The following SLC24A2 variants were observed in gnomAD, a reference collection of about 807,000 sequenced individuals.
SLC24A2 encodes sodium/potassium/calcium exchanger 2.
A neutral mutation model predicts 62.0 loss-of-function variants in SLC24A2; 36 were observed. The observed-to-expected ratio is 0.58, with a 90% CI of 0.44 to 0.77. The LOEUF (loss-of-function observed/expected upper bound fraction) is 0.77, where lower values mean the gene tolerates loss of function less well. Ranked by LOEUF, SLC24A2 falls within the 30% of genes least tolerant of loss-of-function variation. SLC24A2 has a pLI of 0.00. For synonymous variants in SLC24A2, 358 were observed against 294.0 expected (o/e 1.22, Z -2.23); for missense variants, 846 against 817.9 (o/e 1.03, Z -0.42).
At chr9:19,942,768 G>T in the SLC24A2 span, among the ~76,000 whole-genome samples, 1 of 152,170 alleles carries the variant, frequency 6.6e-6, no homozygotes, top group Admixed American at 6.5e-5. Flanking sequence ...TACTCTAGAA[G>T]AATTTAGTGT....
At chr9:19,712,891 C>T (rs945764274) in intron 2 of SLC24A2, among the ~76,000 whole-genome samples, 1 of 152,126 alleles carries the variant, frequency 6.6e-6, no homozygotes, top group Non-Finnish European at 1.5e-5. Context: ...ATACTTACCC[C>T]AGTTGTGACA....
the SLC24A2 span, among the ~76,000 whole-genome samples, chr9:20,041,158 GCGCGTGCGCA>G: frequency 5.9e-5 from 9 of 151,862 alleles, no homozygotes; most frequent in Non-Finnish European, 1.2e-4. Flanking sequence ...GTACGCGTGC[GCGCGTGCGCA>G]CGTGTGCGCG....
At chr9:20,281,375 G>C in the SLC24A2 span, among the ~76,000 whole-genome samples, 6 of 152,130 alleles carry the variant, frequency 3.9e-5, no homozygotes, top group East Asian at 1.2e-3. Context: ...CATTAGGATA[G>C]AGCTTGATAC....
the SLC24A2 span, among the ~76,000 whole-genome samples, chr9:19,836,594 C>A: frequency 1.3e-5 from 2 of 152,114 alleles, no homozygotes; most frequent in African/African-American, 4.8e-5. Context: ...GAATAGCTTA[C>A]CAACCAAAAA....
the SLC24A2 span, among the ~76,000 whole-genome samples, chr9:19,987,717 T>A: frequency 1.3e-5 from 2 of 152,196 alleles, no homozygotes; most frequent in South Asian, 4.1e-4. Flanking sequence ...GAGGAAACTG[T>A]TAGCCTGATA....
At chr9:19,919,783 C>G in the SLC24A2 span, among the ~76,000 whole-genome samples, 1 of 152,026 alleles carries the variant, frequency 6.6e-6, no homozygotes, top group South Asian at 2.1e-4. Flanking sequence ...CAAAGGGGGG[C>G]GGAAAGCCCC....
chr9:20,004,871 T>C, the SLC24A2 span, among the ~76,000 whole-genome samples: 1 of 152,080 alleles, frequency 6.6e-6, no homozygotes. Flanking sequence ...AAAGAGGAGA[T>C]TTCTGAATGA....
At chr9:20,161,328 C>G in the SLC24A2 span, among the ~76,000 whole-genome samples, 2 of 151,294 alleles carry the variant, frequency 1.3e-5, no homozygotes, top group African/African-American at 4.8e-5. Flanking sequence ...AATCCCAAAG[C>G]TACATAAATT....
the SLC24A2 span, among the ~76,000 whole-genome samples, chr9:19,832,577 T>C: frequency 1.3e-5 from 2 of 152,170 alleles, no homozygotes; most frequent in East Asian, 1.9e-4. Context: ...TTACACCTTA[T>C]ACAAAAATTA....
the SLC24A2 span, among the ~76,000 whole-genome samples, chr9:20,078,731 C>A: frequency 5.3e-5 from 8 of 152,278 alleles, no homozygotes; most frequent in South Asian, 1.7e-3. Context: ...AGCCCCCTCT[C>A]CAGGTTGCCG....
chr9:19,549,008 C>T, intron 8 of SLC24A2, among the ~76,000 whole-genome samples: 1 of 152,316 alleles, frequency 6.6e-6, no homozygotes, highest in South Asian at 2.1e-4. Flanking sequence ...TCTTTCACCT[C>T]TGGGGCAATG....
At chr9:20,163,917 C>G in the SLC24A2 span, among the ~76,000 whole-genome samples, 1 of 152,236 alleles carries the variant, frequency 6.6e-6, no homozygotes, top group Admixed American at 6.5e-5. Flanking sequence ...GCTGGGAAAA[C>G]TGGCTAGCCA....
rs138675215 is a variant in SLC24A2 at position 19,685,148 on chromosome 9, A to G, written c.931-62849T>C. Among the ~76,000 whole-genome samples the G allele has an allele frequency of 8.5e-3, 1,288 of 152,194 alleles. 8 individuals carry two copies. Among genetic ancestry groups the G allele is most frequent in the Middle Eastern group, 0.027 (8 of 294 alleles). On this transcript the variant is annotated intron_variant, in intron 2 of 10. Coordinates refer to ENST00000341998, the MANE Select transcript of SLC24A2 (RefSeq NM_020344.4). Reference sequence around the variant, plus strand: ...AGCTGAGAGCCAAATCAACAACACAATCCCATTCATAATAGCCACAAAGAG... The same window carrying G: ...AGCTGAGAGCCAAATCAACAACACAGTCCCATTCATAATAGCCACAAAGAG...
the SLC24A2 span, among the ~76,000 whole-genome samples, chr9:20,061,285 CT>C: frequency 6.7e-6 from 1 of 148,166 alleles, no homozygotes; most frequent in African/African-American, 2.5e-5. Flanking sequence ...TTATGGTCAA[CT>C]GATTTTTTTT....
chr9:20,242,524 G>T, the SLC24A2 span, among the ~76,000 whole-genome samples: 1 of 152,204 alleles, frequency 6.6e-6, no homozygotes, highest in African/African-American at 2.4e-5. Context: ...GAAGACAGCT[G>T]TTCCCAAGTC....
At chr9:20,049,640 G>GATAAATATGTT in the SLC24A2 span, among the ~76,000 whole-genome samples, 41 of 152,154 alleles carry the variant, frequency 2.7e-4, 1 homozygote, top group East Asian at 6.8e-3. Flanking sequence ...TAACAAAGAT[G>GATAAATATGTT]ACAAATATGT....
At chr9:19,838,261 G>A in the SLC24A2 span, among the ~76,000 whole-genome samples, 9 of 152,058 alleles carry the variant, frequency 5.9e-5, no homozygotes, top group East Asian at 3.9e-4. Flanking sequence ...CAGAAATAAT[G>A]CCACATATCT....
At chr9:20,187,730 C>T in the SLC24A2 span, among the ~76,000 whole-genome samples, 1 of 152,180 alleles carries the variant, frequency 6.6e-6, no homozygotes, top group Non-Finnish European at 1.5e-5. Flanking sequence ...CATTCCTTTG[C>T]ACCCACGACA....
At chr9:20,234,074 G>C in the SLC24A2 span, among the ~76,000 whole-genome samples, 1 of 152,184 alleles carries the variant, frequency 6.6e-6, no homozygotes, top group Admixed American at 6.5e-5. Context: ...TTCTGGCTTG[G>C]AGAGTTTCTG....
Sources: gnomAD v4.1 joint callset for allele counts (sites outside exome capture counted in the v4.1 genomes callset) on GRCh38, gnomAD v4.1.1 for gene constraint, MANE v1.5 for transcripts, NCBI Gene and HGNC (gene_info 2026-07-23, HGNC 2026-07-21) for gene names.